The following TNRC6B variants were observed in gnomAD, a reference collection of about 807,000 sequenced individuals.
TNRC6B encodes trinucleotide repeat containing adaptor 6B, also known as trinucleotide repeat-containing gene 6B protein.
In TNRC6B, 52 loss-of-function variants were observed where a neutral mutation model predicts 203.6. The ratio of observed to expected loss-of-function variants is 0.26; its 90% CI spans 0.20 to 0.32. The LOEUF is 0.32. Ranked by LOEUF, TNRC6B falls within the 10% of genes least tolerant of loss-of-function variation. The pLI is 1.00. For missense variants in TNRC6B, 1,923 were observed against 2,286.2 expected (o/e 0.84, Z 3.24); for synonymous variants, 838 against 845.7 (o/e 0.99, Z 0.16).
At chr22:40,216,070 G>A (rs1489422644) in intron 1 of TNRC6B, among the ~76,000 whole-genome samples, 1 of 152,240 alleles carries the variant, frequency 6.6e-6, no homozygotes, top group African/African-American at 2.4e-5. Flanking sequence ...TCATCTTTGT[G>A]ATGCAGCCAC....
At chr22:40,257,078 A>T (rs927142059) in intron 3 of TNRC6B, among the ~76,000 whole-genome samples, 5 of 152,208 alleles carry the variant, frequency 3.3e-5, no homozygotes, top group Non-Finnish European at 7.3e-5. Context: ...ATGTCATCAG[A>T]TTTAAAATGT....
intron 1 of TNRC6B, among the ~76,000 whole-genome samples, chr22:40,089,701 A>G (rs986700089): frequency 4.6e-5 from 7 of 152,144 alleles, no homozygotes; most frequent in African/African-American, 1.7e-4. Flanking sequence ...TTGGTACACC[A>G]TTATTACTCA....
chr22:40,162,346 G>A (rs1035791361), intron 4 of TNRC6B, among the ~76,000 whole-genome samples: 20 of 152,130 alleles, frequency 1.3e-4, no homozygotes, highest in Admixed American at 1.1e-3. Context: ...CGCCTGCCTC[G>A]GTGTCCCAAA....
In TNRC6B at chr22:40,266,035, C is replaced by T. The variant is rs372054353; in HGVS notation, c.1805C>T (p.Ala602Val). The change falls in exon 5 of 23, where the codon GCT becomes GTT. Residue 602 changes from alanine to valine, a missense_variant. Physicochemically the swap from Ala to Val is moderately conservative, Grantham distance 64. Around this residue, in one of 8 missense-constraint regions of TNRC6B, gnomAD observed 614 missense variants for 587.7 expected, o/e 1.04. Coordinates refer to ENST00000454349, the MANE Select transcript of TNRC6B (RefSeq NM_001162501.2). ...SYRPTHPDCQAVLQTLLSRTD... is the reference protein window; with the variant it reads ...SYRPTHPDCQVVLQTLLSRTD... Reference sequence around the variant, plus strand: ...AGGCCCACACATCCTGATTGTCAGGCTGTCTTGCAGACTCTTTTGAGCCGA... The same window carrying T: ...AGGCCCACACATCCTGATTGTCAGGTTGTCTTGCAGACTCTTTTGAGCCGA... 3.7e-6 allele frequency: 6 copies of T among 1,613,766 alleles called. No homozygotes were observed. The highest frequency in any genetic ancestry group is 5.1e-6 in the Non-Finnish European group (6 of 1,179,906).
At chr22:40,218,641 C>T (rs2069669036) in intron 1 of TNRC6B, among the ~76,000 whole-genome samples, 1 of 152,074 alleles carries the variant, frequency 6.6e-6, no homozygotes, top group Non-Finnish European at 1.5e-5. Context: ...GCAAAAGACT[C>T]AAGTTAGCTG....
intron 1 of TNRC6B, among the ~76,000 whole-genome samples, chr22:40,113,677 T>G (rs1455279303): frequency 6.6e-6 from 1 of 152,182 alleles, no homozygotes; most frequent in African/African-American, 2.4e-5. Flanking sequence ...TTTGATATTA[T>G]TATTTGTGTT....
At chr22:40,164,481 G>T (rs1183458831) in intron 4 of TNRC6B, among the ~76,000 whole-genome samples, 21 of 139,802 alleles carry the variant, frequency 1.5e-4, no homozygotes, top group African/African-American at 5.3e-4. Context: ...ATTTTATTTT[G>T]ACCAGGCACA....
At chr22:40,277,571 T>C (rs1242244773) in intron 8 of TNRC6B, among the ~76,000 whole-genome samples, 2 of 152,240 alleles carry the variant, frequency 1.3e-5, no homozygotes, top group Non-Finnish European at 2.9e-5. Context: ...GGCAACGTTG[T>C]GGGGACACCC....
chr22:40,156,292 G>A, intron 4 of TNRC6B: 1 of 1,061,572 alleles, frequency 9.4e-7, no homozygotes, highest in Non-Finnish European at 1.4e-6. Flanking sequence ...GAGACATTGG[G>A]GAACTCACCA....
At position 40,066,882 on chromosome 22, in the gene TNRC6B, GCTT is replaced by G. The variant is rs2067898049; in HGVS notation, c.-121+21888_-121+21890del. On this transcript the variant is annotated intron_variant, in intron 1 of 23. Transcript: ENST00000301923. The stretch of plus-strand genomic sequence containing the variant: ...CTACATTGCACTCTTAACTGTGGAA[GCTT>G]CTTTTCTTTTTTTTTTTTTTCTTTT... 4.0e-5 allele frequency among the ~76,000 whole-genome samples: 6 copies of G among 150,590 alleles called. No individual in the cohort carries two copies. In the South Asian group the frequency reaches 1.3e-3, roughly 32 times the overall value.
intron 12 of TNRC6B, among the ~76,000 whole-genome samples, chr22:40,287,691 C>T (rs2070806853): frequency 1.3e-5 from 2 of 152,170 alleles, no homozygotes; most frequent in Admixed American, 6.5e-5. Context: ...TGGTATCAGG[C>T]TGACAGTCAT....
chr22:40,237,379 GC>G (rs1014642671), intron 1 of TNRC6B, among the ~76,000 whole-genome samples: 1 of 152,174 alleles, frequency 6.6e-6, no homozygotes, highest in African/African-American at 2.4e-5. Flanking sequence ...GGAACTGAGA[GC>G]CCCAGGAAAG....
chr22:40,316,403 C>A (rs1388607986), intron 21 of TNRC6B, among the ~76,000 whole-genome samples: 2 of 149,222 alleles, frequency 1.3e-5, no homozygotes, highest in Non-Finnish European at 3.0e-5. Flanking sequence ...TGGTTTCTCA[C>A]ACCTGTAATC....
chr22:40,195,756 A>ATTTTG lies in TNRC6B; in HGVS notation c.5+17641_5+17645dup, dbSNP rs561178664. Among the ~76,000 whole-genome samples the ATTTTG allele has an allele frequency of 2.0e-3, 298 of 149,480 alleles. 2 individuals are homozygous for ATTTTG. The highest frequency in any genetic ancestry group is 5.2e-3 in the African/African-American group (211 of 40,462). ...GGCATGAGCCACCATCCTCAGCTTT[A>ATTTTG]TTTTGTTTTGTTTTGTTTTGTTTTG... On this transcript the variant is annotated intron_variant, in intron 1 of 22. Transcript: ENST00000454349.
intron 9 of TNRC6B, among the ~76,000 whole-genome samples, chr22:40,279,713 C>T (rs2070698859): frequency 6.6e-6 from 1 of 152,146 alleles, no homozygotes; most frequent in African/African-American, 2.4e-5. Context: ...GCCAGGTTAT[C>T]CCTAAGGCTC....
At chr22:40,215,284 A>AT (rs138018) in intron 1 of TNRC6B, among the ~76,000 whole-genome samples, 87,893 of 151,936 alleles carry the variant, frequency 0.58, 29,571 homozygotes, top group East Asian at 0.93. Flanking sequence ...TGCTAGCTAC[A>AT]TTTTTCATGT....
At chr22:40,257,338 G>A (rs2070295401) in intron 3 of TNRC6B, among the ~76,000 whole-genome samples, 1 of 152,206 alleles carries the variant, frequency 6.6e-6, no homozygotes, top group Non-Finnish European at 1.5e-5. Flanking sequence ...AGTTTAAACT[G>A]TGAGATACAA....
chr22:40,142,763 G>A (rs2068656062), intron 3 of TNRC6B, among the ~76,000 whole-genome samples: 1 of 152,046 alleles, frequency 6.6e-6, no homozygotes, highest in Admixed American at 6.5e-5. Context: ...TCCTATAGTT[G>A]TATAATTGAT....
chr22:40,233,679 C>G (rs2069910265), intron 1 of TNRC6B, among the ~76,000 whole-genome samples: 1 of 152,110 alleles, frequency 6.6e-6, no homozygotes, highest in African/African-American at 2.4e-5. Context: ...CAAGCCAATT[C>G]CTTGCATATG....
Sources: gnomAD v4.1 joint callset for allele counts (sites outside exome capture counted in the v4.1 genomes callset) on GRCh38, gnomAD v4.1.1 for gene constraint, gnomAD v4.1.1 regional missense constraint, MANE v1.5 for transcripts, NCBI Gene and HGNC (gene_info 2026-07-23, HGNC 2026-07-21) for gene names.